Variants in EBF1 observed in about 807,000 individuals in gnomAD.
The protein encoded by EBF1 is EBF transcription factor 1, also known as transcription factor COE1.
A neutral mutation model predicts 68.4 loss-of-function variants in EBF1; 10 were observed. The ratio of observed to expected loss-of-function variants is 0.15; its 90% CI spans 0.09 to 0.25. The LOEUF (loss-of-function observed/expected upper bound fraction) is 0.25. Ranked by LOEUF, EBF1 falls within the 10% of genes least tolerant of loss-of-function variation. The pLI is 1.00. For synonymous variants in EBF1, 298 were observed against 299.8 expected (o/e 0.99, Z 0.06); for missense variants, 509 against 794.4 (o/e 0.64, Z 4.32).
intron 6 of EBF1, among the ~76,000 whole-genome samples, chr5:158,946,341 T>A (rs1381925180): frequency 6.6e-6 from 1 of 152,214 alleles, no homozygotes; most frequent in Non-Finnish European, 1.5e-5. Context: ...TGGTCTTTGC[T>A]ATTGGTGACC....
chr5:158,825,966 G>T (rs1259817626), intron 7 of EBF1, among the ~76,000 whole-genome samples: 3 of 151,472 alleles, frequency 2.0e-5, no homozygotes, highest in African/African-American at 2.4e-5. Flanking sequence ...GGGTACTGAA[G>T]TGTCCTTTAA....
intron 6 of EBF1, among the ~76,000 whole-genome samples, chr5:159,034,473 G>T (rs916847103): frequency 6.6e-6 from 1 of 152,148 alleles, no homozygotes; most frequent in African/African-American, 2.4e-5. Flanking sequence ...GGGCCAGAGC[G>T]CCTCTCAATT....
At chr5:158,992,185 C>T (rs1369061347) in intron 6 of EBF1, among the ~76,000 whole-genome samples, 2 of 149,728 alleles carry the variant, frequency 1.3e-5, no homozygotes, top group Admixed American at 6.7e-5. Context: ...CTTTCCTCAA[C>T]GTTTGCCTTC....
At chr5:158,782,360 T>A (rs554564187) in intron 9 of EBF1, among the ~76,000 whole-genome samples, 1 of 152,268 alleles carries the variant, frequency 6.6e-6, no homozygotes, top group South Asian at 2.1e-4. Context: ...ATTTGCAACC[T>A]CTAAAGTAGT....
chr5:158,938,015 A>C (rs1812447719), intron 6 of EBF1, among the ~76,000 whole-genome samples: 1 of 152,164 alleles, frequency 6.6e-6, no homozygotes, highest in South Asian at 2.1e-4. Context: ...GCATGTTCAC[A>C]CTATAAGGCA....
At chr5:158,882,456 C>T (rs960277596) in intron 6 of EBF1, among the ~76,000 whole-genome samples, 1 of 152,150 alleles carries the variant, frequency 6.6e-6, no homozygotes, top group African/African-American at 2.4e-5. Context: ...ATGCCAGGTA[C>T]TCAACCAGCA....
intron 6 of EBF1, among the ~76,000 whole-genome samples, chr5:158,923,361 C>A (rs78389606): frequency 6.6e-6 from 1 of 152,224 alleles, no homozygotes; most frequent in Non-Finnish European, 1.5e-5. Context: ...TAAAACTTAT[C>A]TGGCATTCTC....
At chr5:158,747,538 C>A (rs1767860975) in intron 10 of EBF1, among the ~76,000 whole-genome samples, 1 of 152,150 alleles carries the variant, frequency 6.6e-6, no homozygotes, top group Non-Finnish European at 1.5e-5. Flanking sequence ...AGACCTGCCA[C>A]TTTATAAAAC....
rs141701435 is a variant in EBF1 at position 158,847,199 on chromosome 5, G to A, written c.555-7089C>T. 6.3e-3 allele frequency among the ~76,000 whole-genome samples: 954 copies of A among 152,298 alleles called. 11 individuals are homozygous for A. The highest frequency in any genetic ancestry group is 0.02 in the Middle Eastern group (6 of 294). The stretch of plus-strand genomic sequence containing the variant: ...ACCTCAGAGCTCAGAGTATGCCCTT[G>A]AGGGAAGGGCATCATTAGTGGCAAG... On this transcript the variant is annotated intron_variant, in intron 6 of 15. Transcript: ENST00000313708.
At chr5:158,923,917 C>A (rs1809008717) in intron 6 of EBF1, among the ~76,000 whole-genome samples, 1 of 152,202 alleles carries the variant, frequency 6.6e-6, no homozygotes, top group Non-Finnish European at 1.5e-5. Flanking sequence ...TTTCTTTTAG[C>A]CTTTTTTGGG....
intron 10 of EBF1, among the ~76,000 whole-genome samples, chr5:158,737,720 T>C (rs1382632021): frequency 1.3e-5 from 2 of 152,100 alleles, no homozygotes; most frequent in Non-Finnish European, 2.9e-5. Context: ...AGTGGTTACG[T>C]CCTTTTTACA....
chr5:158,830,485 G>A (rs1355798389), intron 7 of EBF1, among the ~76,000 whole-genome samples: 2 of 152,154 alleles, frequency 1.3e-5, no homozygotes, highest in African/African-American at 4.8e-5. Context: ...TGGCTAGGAT[G>A]GTCTCGATCT....
chr5:158,829,620 T>C (rs968799448), intron 7 of EBF1, among the ~76,000 whole-genome samples: 6 of 152,272 alleles, frequency 3.9e-5, no homozygotes, highest in African/African-American at 1.2e-4. Flanking sequence ...GTATTATATT[T>C]CTGTAAACCT....
intron 5 of EBF1, among the ~76,000 whole-genome samples, chr5:159,075,487 G>C (rs1778601659): frequency 6.6e-6 from 1 of 152,148 alleles, no homozygotes; most frequent in African/African-American, 2.4e-5. Flanking sequence ...CCACAGACCT[G>C]CCTGGGAGAA....
chr5:158,864,076 A>T (rs1420174672), intron 6 of EBF1, among the ~76,000 whole-genome samples: 1 of 152,084 alleles, frequency 6.6e-6, no homozygotes, highest in Non-Finnish European at 1.5e-5. Context: ...TACTAAAAAT[A>T]CAAAAAATTA....
intron 7 of EBF1, among the ~76,000 whole-genome samples, chr5:158,839,154 TC>T (rs1263848206): frequency 6.6e-6 from 1 of 152,240 alleles, no homozygotes; most frequent in African/African-American, 2.4e-5. Context: ...TGAGTCCTCT[TC>T]CTTTAGTAAA....
intron 6 of EBF1, among the ~76,000 whole-genome samples, chr5:158,948,133 G>A (rs974704017): frequency 2.0e-5 from 3 of 152,190 alleles, no homozygotes; most frequent in Admixed American, 6.5e-5. Flanking sequence ...CTGCATCGGG[G>A]TGGAGGGTAC....
At chr5:159,075,386 T>A (rs967642788) in intron 5 of EBF1, among the ~76,000 whole-genome samples, 42 of 152,186 alleles carry the variant, frequency 2.8e-4, no homozygotes, top group Non-Finnish European at 8.8e-5. Context: ...AGCCCACGTC[T>A]CCTTTACCCA....
At chr5:159,076,379 CAAA>C (rs1264482478) in intron 5 of EBF1, among the ~76,000 whole-genome samples, 2 of 152,236 alleles carry the variant, frequency 1.3e-5, no homozygotes, top group East Asian at 3.9e-4. Context: ...ACCCGTAGAA[CAAA>C]CCACCTCCCC....
Sources: allele counts gnomAD v4.1 joint callset (sites outside exome capture counted in the v4.1 genomes callset), GRCh38; gene constraint gnomAD v4.1.1; transcripts MANE v1.5; gene names NCBI Gene and HGNC (gene_info 2026-07-23, HGNC 2026-07-21).